VPS37A: variants seen among roughly 807,000 people sequenced by gnomAD.
The protein encoded by VPS37A is VPS37A subunit of ESCRT-I, also known as vacuolar protein sorting-associated protein 37A.
A neutral mutation model predicts 49.8 loss-of-function variants in VPS37A; 30 were observed. That is an observed-to-expected ratio of 0.60 (90% CI 0.45 to 0.82). The LOEUF is 0.82. Among genes scored for constraint, VPS37A ranks in the 40% least tolerant of loss-of-function variants. VPS37A has a pLI of 0.00. For missense variants in VPS37A, 593 were observed against 464.4 expected (o/e 1.28, Z -2.55); for synonymous variants, 195 against 160.6 (o/e 1.21, Z -1.62).
At chr8:17,282,931 C>T (rs1815223425) in intron 9 of VPS37A, among the ~76,000 whole-genome samples, 1 of 152,106 alleles carries the variant, frequency 6.6e-6, no homozygotes, top group South Asian at 2.1e-4. Flanking sequence ...ATATCTGGTT[C>T]AGTGGTTGGC....
chr8:17,323,271 G>A, the VPS37A span, among the ~76,000 whole-genome samples: 40,720 of 151,756 alleles, frequency 0.27, 6,411 homozygotes, highest in African/African-American at 0.42. Context: ...GATTTATTAA[G>A]GAGTAATGGG....
chr8:17,266,247 A>C (rs1173420258), intron 2 of VPS37A, among the ~76,000 whole-genome samples: 1 of 152,158 alleles, frequency 6.6e-6, no homozygotes, highest in East Asian at 1.9e-4. Flanking sequence ...TAAGCACTAA[A>C]ATCTTAGCAG....
the VPS37A span, among the ~76,000 whole-genome samples, chr8:17,313,852 A>G: frequency 6.6e-6 from 1 of 152,224 alleles, no homozygotes; most frequent in South Asian, 2.1e-4. Flanking sequence ...GGACTGTTGT[A>G]AAAACACAAG....
chr8:17,256,507 G>A (rs1195373159), intron 1 of VPS37A, among the ~76,000 whole-genome samples: 1 of 151,578 alleles, frequency 6.6e-6, no homozygotes, highest in Admixed American at 6.6e-5. Context: ...TTCTGCTTTT[G>A]AGTTGTTTGA....
chr8:17,291,847 T>C (rs954995131), intron 11 of VPS37A, among the ~76,000 whole-genome samples: 4 of 152,042 alleles, frequency 2.6e-5, no homozygotes, highest in African/African-American at 4.8e-5. Context: ...GAGACTGTTA[T>C]GATTTCCATT....
intron 9 of VPS37A, 92 bp downstream of exon 9, chr8:17,280,535 C>T: frequency 1.7e-6 from 2 of 1,204,236 alleles, no homozygotes; most frequent in Non-Finnish European, 2.3e-6. Context: ...TCATCAGAAA[C>T]CATTTATGAG....
At chr8:17,307,962 C>T in the VPS37A span, among the ~76,000 whole-genome samples, 1 of 151,910 alleles carries the variant, frequency 6.6e-6, no homozygotes, top group African/African-American at 2.4e-5. Context: ...GGGTGCAGCA[C>T]ACCAACATGG....
chr8:17,316,438 C>CAG, the VPS37A span, among the ~76,000 whole-genome samples: 37 of 149,662 alleles, frequency 2.5e-4, no homozygotes, highest in African/African-American at 9.2e-4. Context: ...TTGTTCCCTC[C>CAG]TTTTCAATAT....
At chr8:17,284,316 C>T (rs940751520) in intron 9 of VPS37A, among the ~76,000 whole-genome samples, 157 bp from the exon 10 acceptor site, 3 of 152,144 alleles carry the variant, frequency 2.0e-5, no homozygotes, top group African/African-American at 7.2e-5. Flanking sequence ...AAGCTAAGGA[C>T]CTGGGTGGGG....
chr8:17,270,344 C>G, intron 4 of VPS37A, among the ~76,000 whole-genome samples: 1 of 152,266 alleles, frequency 6.6e-6, no homozygotes, highest in Non-Finnish European at 1.5e-5. Flanking sequence ...GGCGATAACT[C>G]ATTTTTGCTC....
intron 1 of VPS37A, among the ~76,000 whole-genome samples, chr8:17,249,835 C>G (rs1811808691): frequency 6.6e-6 from 1 of 152,172 alleles, no homozygotes; most frequent in Non-Finnish European, 1.5e-5. Flanking sequence ...TGGGAGCCTT[C>G]AGAAATGAAG....
chr8:17,331,002 T>C, the VPS37A span: 1 of 920,308 alleles, frequency 1.1e-6, no homozygotes, highest in African/African-American at 1.7e-5. Flanking sequence ...GAAACGTTCT[T>C]AAGTGTTTAA....
At chr8:17,273,609 A>C (rs1467870816) in intron 4 of VPS37A, among the ~76,000 whole-genome samples, 1 of 151,708 alleles carries the variant, frequency 6.6e-6, no homozygotes, top group Non-Finnish European at 1.5e-5. Flanking sequence ...CTCATGATCC[A>C]CCTGCCTCAG....
chr8:17,307,542 A>G, the VPS37A span, among the ~76,000 whole-genome samples: 1 of 152,208 alleles, frequency 6.6e-6, no homozygotes, highest in African/African-American at 2.4e-5. Flanking sequence ...CTGGGTATAT[A>G]CCCAAAGGAT....
At chr8:17,271,208 T>G (rs1196434435) in intron 4 of VPS37A, among the ~76,000 whole-genome samples, 1 of 152,236 alleles carries the variant, frequency 6.6e-6, no homozygotes, top group African/African-American at 2.4e-5. Flanking sequence ...GCATAGTTTT[T>G]TCAGCCTGCT....
In VPS37A at chr8:17,247,377, GTCGCTGCCTCTCCACC is replaced by G; in HGVS notation, c.125+9_125+24del. ...CCGGAACTCACACTCCAGGTGACTG[GTCGCTGCCTCTCCACC>G]GGAGGAAAAAGTAGGGTGGGAGGGC... On this transcript the variant is annotated intron_variant, in intron 1 of 11. Transcript: ENST00000324849. 2.0e-6 allele frequency: 3 copies of G among 1,528,450 alleles called. No homozygotes were observed. The highest frequency in any genetic ancestry group is 1.8e-6 in the Non-Finnish European group (2 of 1,135,556). 94.7% of individuals were successfully genotyped at this position (1,528,450 alleles called of 1,614,324 possible).
the VPS37A span, among the ~76,000 whole-genome samples, chr8:17,323,129 G>C: frequency 6.6e-6 from 1 of 151,468 alleles, no homozygotes; most frequent in East Asian, 2.0e-4. Flanking sequence ...TGTATTTTCA[G>C]TAGAGATGGG....
chr8:17,258,009 T>G (rs138727042), intron 1 of VPS37A, among the ~76,000 whole-genome samples: 2,068 of 152,318 alleles, frequency 0.014, 28 homozygotes, highest in Non-Finnish European at 0.021. Context: ...CTGAATTGGT[T>G]TATCATTTCT....
chr8:17,284,245 A>C (rs1025596645), intron 9 of VPS37A, among the ~76,000 whole-genome samples: 2 of 152,224 alleles, frequency 1.3e-5, no homozygotes, highest in Admixed American at 6.5e-5. Context: ...AGTTTCTCTC[A>C]TTTAATAGTT....
Sources: allele counts gnomAD v4.1 joint callset (sites outside exome capture counted in the v4.1 genomes callset), GRCh38; gene constraint gnomAD v4.1.1; transcripts MANE v1.5; gene names NCBI Gene and HGNC (gene_info 2026-07-23, HGNC 2026-07-21).